POU6F2: variants seen among roughly 807,000 people sequenced by gnomAD.
POU6F2 encodes POU domain, class 6, transcription factor 2.
POU6F2 carries 31 observed loss-of-function variants against 71.3 expected under a neutral mutation model. The observed-to-expected ratio is 0.43, with a 90% CI of 0.33 to 0.59. POU6F2 has a LOEUF of 0.59. POU6F2 is among the 20% of genes least tolerant of loss of function. The pLI is 0.04. For missense variants in POU6F2, 783 were observed against 856.8 expected (o/e 0.91, Z 1.07); for synonymous variants, 347 against 355.7 (o/e 0.98, Z 0.27).
chr7:39,170,091 C>G (rs982731594), intron 2 of POU6F2, among the ~76,000 whole-genome samples: 1 of 152,102 alleles, frequency 6.6e-6, no homozygotes, highest in East Asian at 1.9e-4. Context: ...TCGCTTGAAC[C>G]TGGGAGGTGG....
intron 4 of POU6F2, among the ~76,000 whole-genome samples, chr7:39,247,202 A>T (rs1044024303): frequency 6.6e-6 from 1 of 152,084 alleles, no homozygotes; most frequent in African/African-American, 2.4e-5. Context: ...AGCATGGTGT[A>T]TCATGCCTGT....
chr7:39,157,058 A>C (rs1333064961), intron 2 of POU6F2, among the ~76,000 whole-genome samples: 1 of 152,180 alleles, frequency 6.6e-6, no homozygotes, highest in African/African-American at 2.4e-5. Context: ...TATTTATTGT[A>C]ATCTGTGAAT....
intron 4 of POU6F2, among the ~76,000 whole-genome samples, chr7:39,253,684 G>A (rs1265972353): frequency 1.3e-5 from 2 of 152,130 alleles, no homozygotes; most frequent in East Asian, 3.9e-4. Flanking sequence ...TGGAGGGTCG[G>A]GTAGAGGAGG....
At chr7:39,377,491 C>T (rs1488517282) in intron 5 of POU6F2, among the ~76,000 whole-genome samples, 1 of 152,100 alleles carries the variant, frequency 6.6e-6, no homozygotes, top group Non-Finnish European at 1.5e-5. Flanking sequence ...AAAATGTTTG[C>T]CATACTTAAG....
intron 1 of POU6F2, among the ~76,000 whole-genome samples, chr7:39,009,433 G>A (rs1789194490): frequency 6.6e-6 from 1 of 152,144 alleles, no homozygotes; most frequent in African/African-American, 2.4e-5. Flanking sequence ...CTGAGACAAT[G>A]GGGTTTTCTA....
intron 1 of POU6F2, among the ~76,000 whole-genome samples, chr7:39,065,752 T>C (rs1312665981): frequency 4.0e-5 from 6 of 151,552 alleles, no homozygotes; most frequent in African/African-American, 1.4e-4. Context: ...AATAAATAAG[T>C]AGGGTACTAC....
intron 4 of POU6F2, among the ~76,000 whole-genome samples, chr7:39,263,773 T>C (rs565464173): frequency 1.3e-5 from 2 of 152,168 alleles, no homozygotes; most frequent in South Asian, 4.2e-4. Context: ...TTGTCTATTT[T>C]CCCCCAGCCC....
chr7:39,433,415 A>G (rs1788158368), intron 7 of POU6F2, 132 bp downstream of exon 7: 2 of 962,250 alleles, frequency 2.1e-6, no homozygotes, highest in Admixed American at 2.7e-5. Context: ...GAACATATCG[A>G]TACTTATAAA....
chr7:39,131,138 C>G (rs2128729622), intron 2 of POU6F2, among the ~76,000 whole-genome samples: 1 of 152,282 alleles, frequency 6.6e-6, no homozygotes, highest in Non-Finnish European at 1.5e-5. Context: ...ATTTTCCCCA[C>G]GTCGATTGGC....
intron 5 of POU6F2, among the ~76,000 whole-genome samples, chr7:39,377,100 TA>T (rs1473074841): frequency 6.7e-6 from 1 of 148,396 alleles, no homozygotes; most frequent in African/African-American, 2.4e-5. Flanking sequence ...ACTTAAATAT[TA>T]AATAACTTAA....
intron 4 of POU6F2, among the ~76,000 whole-genome samples, chr7:39,231,396 C>G (rs73378987): frequency 1.4e-3 from 214 of 152,242 alleles, no homozygotes; most frequent in African/African-American, 4.9e-3. Context: ...ACCCCTACGG[C>G]ATGCCAGGCA....
chr7:39,236,172 A>T (rs1383489893), intron 4 of POU6F2, among the ~76,000 whole-genome samples: 5 of 152,156 alleles, frequency 3.3e-5, no homozygotes, highest in Admixed American at 3.3e-4. Context: ...ATTTTCTTTA[A>T]ATAGAACACA....
At chr7:39,274,188 A>G (rs977187727) in intron 4 of POU6F2, among the ~76,000 whole-genome samples, 4 of 152,194 alleles carry the variant, frequency 2.6e-5, no homozygotes, top group African/African-American at 9.6e-5. Context: ...GAAGAATCAA[A>G]TAGACACAAT....
At chr7:39,398,733 G>A (rs1787233163) in intron 5 of POU6F2, among the ~76,000 whole-genome samples, 1 of 152,216 alleles carries the variant, frequency 6.6e-6, no homozygotes, top group Non-Finnish European at 1.5e-5. Context: ...GAATGAGGAG[G>A]AGAGAGGACT....
intron 4 of POU6F2, among the ~76,000 whole-genome samples, chr7:39,327,707 A>G (rs769551655): frequency 6.6e-6 from 1 of 151,922 alleles, no homozygotes; most frequent in Non-Finnish European, 1.5e-5. Context: ...AATTCTGTGT[A>G]CATATATATA....
intron 4 of POU6F2, among the ~76,000 whole-genome samples, chr7:39,308,083 A>G (rs1475247829): frequency 3.9e-5 from 6 of 152,196 alleles, no homozygotes; most frequent in East Asian, 1.9e-4. Context: ...ACAAAGTCCT[A>G]TGGCAGTGCA....
Position 39,208,686 on chromosome 7 carries a change from C to G in POU6F2, c.598+1066C>G, listed in dbSNP as rs531105091. 6.6e-5 allele frequency among the ~76,000 whole-genome samples: 10 copies of G among 152,300 alleles called. No homozygotes were observed. The South Asian group carries it at 2.1e-3, about 32-fold the overall frequency. On this transcript the variant is annotated intron_variant, in intron 4 of 9. Coordinates refer to ENST00000518318, the MANE Select transcript of POU6F2 (RefSeq NM_001370959.1). ...CATTTTGATGTTTAAAACGAAGTCT[C>G]TCTTGTACCATTAAATTGTGCCAAG...
At chr7:39,131,839 A>T (rs7794776) in intron 2 of POU6F2, among the ~76,000 whole-genome samples, 129,219 of 151,778 alleles carry the variant, frequency 0.85, 55,545 homozygotes, top group East Asian at 0.99. Context: ...ATTTTGTTTT[A>T]TATTTTTTTT....
chr7:39,306,528 T>G (rs555514598), intron 4 of POU6F2, among the ~76,000 whole-genome samples: 1 of 152,246 alleles, frequency 6.6e-6, no homozygotes, highest in East Asian at 1.9e-4. Flanking sequence ...ATTACATCAC[T>G]AACAAGGTGC....
Sources: allele counts gnomAD v4.1 joint callset (sites outside exome capture counted in the v4.1 genomes callset), GRCh38; gene constraint gnomAD v4.1.1; transcripts MANE v1.5; gene names NCBI Gene and HGNC (gene_info 2026-07-23, HGNC 2026-07-21).